Variants in GAK observed in about 807,000 individuals in gnomAD.
The protein encoded by GAK is cyclin G associated kinase.
A neutral mutation model predicts 143.9 loss-of-function variants in GAK; 79 were observed. The observed-to-expected ratio is 0.55, with a 90% CI of 0.46 to 0.66. The LOEUF (loss-of-function observed/expected upper bound fraction) is 0.66. Among genes scored for constraint, GAK ranks in the 30% least tolerant of loss-of-function variants. GAK has a pLI of 0.00. For missense variants in GAK, 1,693 were observed against 1,779.7 expected (o/e 0.95, Z 0.88); for synonymous variants, 881 against 765.5 (o/e 1.15, Z -2.49).
chr4:901,420 C>T (rs1390238717), intron 5 of GAK, among the ~76,000 whole-genome samples: 1 of 152,188 alleles, frequency 6.6e-6, no homozygotes, highest in African/African-American at 2.4e-5. Context: ...GATCCCCCAC[C>T]TAGGGCACAC....
At chr4:903,461 C>G (rs1353419425) in intron 5 of GAK, among the ~76,000 whole-genome samples, 1 of 152,176 alleles carries the variant, frequency 6.6e-6, no homozygotes, top group Non-Finnish European at 1.5e-5. Context: ...AGAGGAGCGC[C>G]AGGCTTCCTC....
chr4:877,660 C>A lies in GAK; in HGVS notation c.1811G>T (p.Gly604Val). 2 of 1,609,012 alleles carry A rather than the reference C, an allele frequency of 1.2e-6. No homozygotes were observed. The highest frequency in any genetic ancestry group is 1.7e-6 in the Non-Finnish European group (2 of 1,177,720). Reference sequence around the variant, plus strand: ...GGAGGTGCTGGCCACACGCTCGTCCCCCACGTAGACCTCGCAGAAGGGCCT... The same window carrying A: ...GGAGGTGCTGGCCACACGCTCGTCCACCACGTAGACCTCGCAGAAGGGCCT... ...GCRPFCEVYV[G>V]DERVASTSQE... Residue 604 changes from glycine (G) to valine (V), a missense_variant, in exon 16 of 28, where the codon GGG (glycine) becomes GTG (valine). Physicochemically the swap from Gly to Val is moderately radical, Grantham distance 109. Coordinates refer to ENST00000314167, the MANE Select transcript of GAK (RefSeq NM_005255.4).
chr4:851,883 T>G lies in GAK; in HGVS notation c.3375A>C (p.Pro1125=). The change falls in exon 25 of 28, where the codon CCA becomes CCC. Residue 1125 remains proline, a synonymous_variant. Transcript: ENST00000314167. ...GAGGGGGCCATGAGGCGCCCTGGGC[T>G]GGCGGCCGACTTGTCTGCCAGGAGC... ...GSSSWQTSRP[P]AQGASWPPQA... is the part of the protein sequence containing the mutation. 3 of 1,611,112 alleles carry G rather than the reference T, an allele frequency of 1.9e-6. No homozygotes were observed. In the Middle Eastern group the frequency reaches 5.0e-4, roughly 266 times the overall value.
intron 2 of GAK, among the ~76,000 whole-genome samples, chr4:913,119 A>T (rs1248924973): frequency 2.6e-5 from 4 of 152,132 alleles, no homozygotes; most frequent in Non-Finnish European, 5.9e-5. Context: ...AGACCACGAC[A>T]ACAGGCCCAC....
chr4:896,281 A>C (rs188897299), intron 7 of GAK, among the ~76,000 whole-genome samples, 179 bp downstream of exon 7: 2,021 of 152,266 alleles, frequency 0.013, 70 homozygotes, highest in Admixed American at 0.072. Context: ...AAAAAAACCC[A>C]AAAAAACAGT....
intron 24 of GAK, chr4:852,225 G>T: frequency 1.7e-6 from 1 of 573,050 alleles, no homozygotes; most frequent in South Asian, 2.0e-5. Flanking sequence ...GGGCAGCTGT[G>T]GAGGCAGCAC....
intron 7 of GAK, among the ~76,000 whole-genome samples, chr4:895,610 A>G (rs1328960775): frequency 6.6e-6 from 1 of 152,210 alleles, no homozygotes; most frequent in Non-Finnish European, 1.5e-5. Context: ...CCGTAGGCAA[A>G]TACACTACGG....
chr4:853,010 C>CT (rs796179811), intron 24 of GAK: 7,070 of 146,644 alleles, frequency 0.048, 174 homozygotes, highest in East Asian at 0.1. Context: ...GTTCTGTCAT[C>CT]TTTTTTTTTT....
In GAK at chr4:900,112, T is replaced by A. The variant is rs560738421; in HGVS notation, c.526-1954A>T. ...CACACGGCCACTGAAGGCCCAGGAGTGCCCATCCCCTCGCGTGTGCCCGTT... is the reference window on the plus strand; with the variant it reads ...CACACGGCCACTGAAGGCCCAGGAGAGCCCATCCCCTCGCGTGTGCCCGTT... On this transcript the variant is annotated intron_variant, in intron 5 of 27. Transcript: ENST00000314167. Among the ~76,000 whole-genome samples, 13 of 152,142 alleles carry A rather than the reference T, an allele frequency of 8.5e-5. No homozygotes were observed. The East Asian group carries it at 1.7e-3, about 20-fold the overall frequency.
At chr4:868,916 C>A (rs1711672383) in intron 19 of GAK, 1 of 539,986 alleles carries the variant, frequency 1.9e-6, no homozygotes, top group Non-Finnish European at 3.3e-6. Flanking sequence ...CACACGCACA[C>A]ATGAACACGC....
At chr4:884,841 C>CTCAG (rs1278430882) in intron 11 of GAK, among the ~76,000 whole-genome samples, 2 of 152,224 alleles carry the variant, frequency 1.3e-5, no homozygotes. Context: ...TAGGAGCAAC[C>CTCAG]TCAGCTAGGC....
chr4:927,074 G>A (rs1190707461), intron 1 of GAK, among the ~76,000 whole-genome samples: 1 of 71,556 alleles, frequency 1.4e-5, no homozygotes, highest in Admixed American at 1.3e-4. Flanking sequence ...ACCCCTTCCC[G>A]CTCACCTGCA....
intron 1 of GAK, among the ~76,000 whole-genome samples, chr4:928,186 C>T (rs1725148986): frequency 1.3e-5 from 2 of 152,048 alleles, no homozygotes. Context: ...GCCTCCTGAG[C>T]AGCTGGGATT....
intron 18 of GAK, among the ~76,000 whole-genome samples, chr4:875,534 G>C (rs1019232780): frequency 5.3e-5 from 8 of 152,198 alleles, no homozygotes; most frequent in African/African-American, 1.9e-4. Context: ...TGTTTACTGG[G>C]TAGGAACCAA....
intron 1 of GAK, among the ~76,000 whole-genome samples, chr4:926,708 GT>G (rs997508343): frequency 6.6e-6 from 1 of 152,138 alleles, no homozygotes; most frequent in African/African-American, 2.4e-5. Context: ...AGTGAAGGCG[GT>G]TGGTACCAGG....
chr4:868,834 G>T, intron 19 of GAK, 149 bp from the exon 20 acceptor site: 1 of 753,302 alleles, frequency 1.3e-6, no homozygotes, highest in Non-Finnish European at 2.1e-6. Flanking sequence ...ATGACGGGGA[G>T]GGGCTCTCTG....
Position 850,088 on chromosome 4 carries a change from T to C in GAK, c.3658-20A>G. 1 of 1,544,698 alleles carries C rather than the reference T, an allele frequency of 6.5e-7. No homozygotes were observed. Among genetic ancestry groups the C allele is most frequent in the Non-Finnish European group, 8.8e-7 (1 of 1,136,056 alleles). On this transcript the variant is annotated intron_variant, in intron 26 of 27. Coordinates refer to ENST00000314167, the MANE Select transcript of GAK (RefSeq NM_005255.4). ...CAGGAGCTGCGGGAGACACGGAGCT[T>C]GCCGAGCCCTGGGCACCTGCCTGCC...
In GAK at chr4:875,911, G is replaced by A. The variant is rs147512697; in HGVS notation, c.2054+619C>T. 5.6e-3 allele frequency among the ~76,000 whole-genome samples: 848 copies of A among 152,302 alleles called. 7 individuals carry two copies. The highest frequency in any genetic ancestry group is 6.2e-3 in the Non-Finnish European group (422 of 68,010). On this transcript the variant is annotated intron_variant, in intron 18 of 27. Transcript: ENST00000314167. ...AGCCGAGATTGCGCCATTGCACTCCGGCCTGGGCGTTAGAGCGAGACTCTG... is the reference window on the plus strand; with the variant it reads ...AGCCGAGATTGCGCCATTGCACTCCAGCCTGGGCGTTAGAGCGAGACTCTG...
chr4:854,937 C>G (rs1444524533), intron 24 of GAK, among the ~76,000 whole-genome samples: 4 of 152,160 alleles, frequency 2.6e-5, no homozygotes, highest in Non-Finnish European at 4.4e-5. Context: ...CCCAGCTACT[C>G]AGGAGGCTGA....
Sources: gnomAD v4.1 joint callset for allele counts (sites outside exome capture counted in the v4.1 genomes callset) on GRCh38, gnomAD v4.1.1 for gene constraint, MANE v1.5 for transcripts, NCBI Gene and HGNC (gene_info 2026-07-23, HGNC 2026-07-21) for gene names.